Variants in TUSC3 observed in about 807,000 individuals in gnomAD.
The protein encoded by TUSC3 is tumor suppressor candidate 3, also known as dolichyl-diphosphooligosaccharide--protein glycosyltransferase subunit TUSC3.
In TUSC3, 45 loss-of-function variants were observed where a neutral mutation model predicts 44.8. That is an observed-to-expected ratio of 1.00 (90% CI 0.79 to 1.29). The LOEUF (loss-of-function observed/expected upper bound fraction) is 1.29, where lower values mean the gene tolerates loss of function less well. TUSC3 is among the 50% of genes most tolerant of loss of function. The pLI is 0.00. For missense variants in TUSC3, 519 were observed against 437.9 expected, an observed-to-expected ratio of 1.19 and a Z score of -1.65; for synonymous variants, 212 against 152.9, an observed-to-expected ratio of 1.39 and a Z score of -2.85.
At chr8:15,547,941 TTTA>T (rs1801930067) in intron 1 of TUSC3, among the ~76,000 whole-genome samples, 1 of 151,750 alleles carries the variant, frequency 6.6e-6, no homozygotes, top group Admixed American at 6.6e-5. Context: ...AATAATTCAC[TTTA>T]TTTTTAACTT....
chr8:15,637,612 G>A (rs1407028666), intron 2 of TUSC3, among the ~76,000 whole-genome samples: 1 of 151,802 alleles, frequency 6.6e-6, no homozygotes. Flanking sequence ...TATTTTTGTA[G>A]TAGCCTTGTA....
intron 1 of TUSC3, among the ~76,000 whole-genome samples, chr8:15,575,969 G>T (rs1803086501): frequency 8.3e-6 from 1 of 120,336 alleles, no homozygotes; most frequent in Non-Finnish European, 2.0e-5. Flanking sequence ...ATTGTGAATT[G>T]ATATAATAAC....
At chr8:15,515,494 A>G (rs1437551623) in intron 2 of TUSC3, among the ~76,000 whole-genome samples, 1 of 152,170 alleles carries the variant, frequency 6.6e-6, no homozygotes, top group Non-Finnish European at 1.5e-5. Context: ...CTAGCAAATG[A>G]CTGACGGTAG....
At chr8:15,440,319 A>G (rs1800004188) in intron 1 of TUSC3, among the ~76,000 whole-genome samples, 1 of 152,144 alleles carries the variant, frequency 6.6e-6, no homozygotes, top group South Asian at 2.1e-4. Flanking sequence ...CCAATATGGG[A>G]TGGGCTTGGA....
the TUSC3 span, among the ~76,000 whole-genome samples, chr8:15,795,921 C>G: frequency 6.6e-6 from 1 of 152,172 alleles, no homozygotes; most frequent in Non-Finnish European, 1.5e-5. Context: ...GTCAGATGAT[C>G]AAACTCAAAC....
chr8:15,631,737 G>C lies in TUSC3; in HGVS notation c.308+8488G>C, dbSNP rs542452490. Among the ~76,000 whole-genome samples, 27 of 148,854 alleles carry C rather than the reference G, an allele frequency of 1.8e-4. 1 individual carries two copies. In the East Asian group the frequency reaches 5.3e-3, roughly 29 times the overall value. ...TGTTTTGTTTTTAAGACACAGTCTTGCTGTGTCACCCAGGCTGGAGTGCAG... is the reference window on the plus strand; with the variant it reads ...TGTTTTGTTTTTAAGACACAGTCTTCCTGTGTCACCCAGGCTGGAGTGCAG... On this transcript the variant is annotated intron_variant, in intron 2 of 10. Transcript: ENST00000503731.
intron 7 of TUSC3, among the ~76,000 whole-genome samples, chr8:15,736,017 C>T (rs1159187735): frequency 6.6e-6 from 1 of 152,072 alleles, no homozygotes; most frequent in African/African-American, 2.4e-5. Context: ...CATGAGCCAC[C>T]ACGCCCGGCG....
intron 9 of TUSC3, among the ~76,000 whole-genome samples, chr8:15,750,481 A>G (rs1484234174): frequency 2.0e-5 from 3 of 151,944 alleles, no homozygotes; most frequent in Admixed American, 6.5e-5. Context: ...TGACAGCCCT[A>G]TTTTTGTTAC....
At chr8:15,837,638 A>G in the TUSC3 span, among the ~76,000 whole-genome samples, 3 of 152,026 alleles carry the variant, frequency 2.0e-5, no homozygotes, top group Non-Finnish European at 2.9e-5. Flanking sequence ...ACTCACATTT[A>G]ATCTTTTTCT....
intron 2 of TUSC3, among the ~76,000 whole-genome samples, chr8:15,497,259 C>T (rs1292461353): frequency 2.0e-5 from 3 of 152,048 alleles, no homozygotes; most frequent in South Asian, 2.1e-4. Flanking sequence ...GCTTCCAAGT[C>T]CCAATTCCCA....
the TUSC3 span, among the ~76,000 whole-genome samples, chr8:15,850,132 C>G: frequency 0.12 from 17,950 of 147,286 alleles, 1,168 homozygotes; most frequent in East Asian, 0.22. Context: ...TTTGCCATAG[C>G]TTGTTTTTCA....
intron 1 of TUSC3, among the ~76,000 whole-genome samples, chr8:15,553,110 A>G (rs1299631436): frequency 1.3e-5 from 2 of 151,784 alleles, no homozygotes; most frequent in Admixed American, 6.6e-5. Flanking sequence ...TCGAAGGAAG[A>G]TAACATGTTC....
chr8:15,708,946 T>G (rs1247106408), intron 6 of TUSC3, among the ~76,000 whole-genome samples: 1 of 151,924 alleles, frequency 6.6e-6, no homozygotes, highest in African/African-American at 2.4e-5. Context: ...TAAAGTAAAT[T>G]AACAACTTTT....
intron 1 of TUSC3, among the ~76,000 whole-genome samples, chr8:15,616,993 G>C (rs1298971138): frequency 6.6e-6 from 1 of 152,176 alleles, no homozygotes; most frequent in Non-Finnish European, 1.5e-5. Context: ...GCTGGCCACA[G>C]AGATTTCCGG....
At chr8:15,706,825 A>G (rs1809636313) in intron 6 of TUSC3, among the ~76,000 whole-genome samples, 1 of 152,006 alleles carries the variant, frequency 6.6e-6, no homozygotes. Flanking sequence ...CTTGTAGAGA[A>G]GCATGTATTT....
chr8:15,505,303 A>G lies in TUSC3; in HGVS notation n.189+21820A>G, dbSNP rs574023128. Among the ~76,000 whole-genome samples the G allele has an allele frequency of 5.9e-5, 9 of 152,356 alleles. No individual in the cohort carries two copies. The South Asian group carries it at 1.9e-3, about 32-fold the overall frequency. ...TGCACTGTCAATTGTCAAAAAGAAA[A>G]AAACCCAGAATGCTGTTCTGATGGC... On this transcript the variant is annotated intron_variant and non_coding_transcript_variant, in intron 2 of 5. Transcript: ENST00000503191.
chr8:15,464,233 C>G (rs138016320), intron 1 of TUSC3, among the ~76,000 whole-genome samples: 70 of 152,222 alleles, frequency 4.6e-4, no homozygotes, highest in African/African-American at 1.3e-3. Flanking sequence ...TGACTGCCAG[C>G]TGGATGGTTC....
chr8:15,781,281 C>A, the TUSC3 span, among the ~76,000 whole-genome samples: 1 of 152,138 alleles, frequency 6.6e-6, no homozygotes, highest in Admixed American at 6.5e-5. Flanking sequence ...GAAGTGGAAC[C>A]CCAACCTTTC....
intron 2 of TUSC3, among the ~76,000 whole-genome samples, chr8:15,515,692 G>C (rs1801207368): frequency 6.6e-6 from 1 of 151,812 alleles, no homozygotes; most frequent in African/African-American, 2.4e-5. Context: ...TTTTGAGACG[G>C]AGTCTCACTC....
Sources: gnomAD v4.1 joint callset for allele counts (sites outside exome capture counted in the v4.1 genomes callset) on GRCh38, gnomAD v4.1.1 for gene constraint, MANE v1.5 for transcripts, NCBI Gene and HGNC (gene_info 2026-07-23, HGNC 2026-07-21) for gene names.